SLC25A13: variants seen among roughly 807,000 people sequenced by gnomAD.
SLC25A13 encodes electrogenic aspartate/glutamate antiporter SLC25A13, mitochondrial.
A neutral mutation model predicts 85.5 loss-of-function variants in SLC25A13; 70 were observed. The observed-to-expected ratio is 0.82, with a 90% confidence interval of 0.68 to 1.00. The LOEUF (loss-of-function observed/expected upper bound fraction) is 1.00. Ranked by LOEUF, SLC25A13 falls within the 50% of genes least tolerant of loss-of-function variation. The pLI, the probability that SLC25A13 is intolerant of heterozygous loss-of-function variation, is 0.00. For missense variants in SLC25A13, 765 were observed against 819.8 expected (o/e 0.93, Z 0.82); for synonymous variants, 259 against 288.7 (o/e 0.90, Z 1.04).
chr7:96,185,596 A>T (rs899157065), intron 9 of SLC25A13, among the ~76,000 whole-genome samples: 2 of 151,648 alleles, frequency 1.3e-5, no homozygotes, highest in African/African-American at 2.4e-5. Flanking sequence ...ACTCTATCTC[A>T]AAAATAAAAA....
At chr7:96,154,408 G>T (rs1793171821) in intron 13 of SLC25A13, among the ~76,000 whole-genome samples, 1 of 151,158 alleles carries the variant, frequency 6.6e-6, no homozygotes, top group East Asian at 2.0e-4. Context: ...GCGATTCTCA[G>T]GCCTCAGTCT....
In SLC25A13 at chr7:96,121,097, A is replaced by T; in HGVS notation, c.*94T>A. ...GGACTTGAATTTAAACAAGAGATGG[A>T]CGTAAAAGGGATGAAGCATTGCTTC... On this transcript the variant is annotated 3_prime_UTR_variant, in exon 18 of 18. Transcript: ENST00000265631. 1 of 1,334,054 alleles carries T rather than the reference A, an allele frequency of 7.5e-7. No homozygotes were observed. Among genetic ancestry groups the T allele is most frequent in the South Asian group, 1.2e-5 (1 of 84,322 alleles). The allele number at this position is 1,334,054 out of a possible 1,614,324, so 82.6% of individuals were successfully genotyped here.
intron 4 of SLC25A13, among the ~76,000 whole-genome samples, chr7:96,211,886 A>G (rs1224481836): frequency 6.6e-6 from 1 of 152,220 alleles, no homozygotes; most frequent in Non-Finnish European, 1.5e-5. Context: ...TGAGGGGCTG[A>G]AAAAACTGCA....
At chr7:96,211,217 T>C (rs1368959156) in intron 4 of SLC25A13, among the ~76,000 whole-genome samples, 1 of 152,170 alleles carries the variant, frequency 6.6e-6, no homozygotes, top group Non-Finnish European at 1.5e-5. Flanking sequence ...AGAGCTCACA[T>C]TTGAATCCGA....
intron 1 of SLC25A13, among the ~76,000 whole-genome samples, chr7:96,311,223 TAA>T (rs1182777858): frequency 6.6e-6 from 1 of 152,148 alleles, no homozygotes; most frequent in East Asian, 1.9e-4. Context: ...GGACTTAAGA[TAA>T]CAACATCTGA....
intron 3 of SLC25A13, among the ~76,000 whole-genome samples, chr7:96,247,725 T>C (rs2116856722): frequency 6.6e-6 from 1 of 152,240 alleles, no homozygotes. Context: ...GACATATAAT[T>C]GACAAAAATT....
chr7:96,304,498 T>C (rs1189938761), intron 1 of SLC25A13, among the ~76,000 whole-genome samples: 2 of 152,238 alleles, frequency 1.3e-5, no homozygotes, highest in Non-Finnish European at 2.9e-5. Context: ...TAAGAATGAA[T>C]GGTGGTGTTT....
intron 14 of SLC25A13, among the ~76,000 whole-genome samples, chr7:96,141,452 G>A (rs1319651910): frequency 6.6e-6 from 1 of 152,186 alleles, no homozygotes; most frequent in Non-Finnish European, 1.5e-5. Context: ...TGAGTGTGTT[G>A]AGTGAGTGAA....
At chr7:96,155,043 ACCCACCTTGGCCT>A (rs1177867463) in intron 13 of SLC25A13, among the ~76,000 whole-genome samples, 2 of 151,892 alleles carry the variant, frequency 1.3e-5, no homozygotes, top group African/African-American at 4.8e-5. Flanking sequence ...CAAGTGATCC[ACCCACCTTGGCCT>A]CCCAAAGTGC....
intron 9 of SLC25A13, among the ~76,000 whole-genome samples, chr7:96,188,024 T>G (rs4236528): frequency 2.6e-5 from 4 of 152,188 alleles, no homozygotes; most frequent in Admixed American, 6.5e-5. Context: ...TGCAAAGAGC[T>G]TAAAGGAAAA....
chr7:96,121,855 C>T lies in SLC25A13; in HGVS notation c.1734G>A (p.Leu578=). 6.2e-7 allele frequency: 1 copy of T among 1,614,206 alleles called. No homozygotes were observed. The highest frequency in any genetic ancestry group is 8.5e-7 in the Non-Finnish European group (1 of 1,180,032). ...TTTCCATACCACCAGCTCCCTTCCACAGAGCTTTTGGTCCTTCTTCACGCA... is the reference window on the plus strand; with the variant it reads ...TTTCCATACCACCAGCTCCCTTCCATAGAGCTTTTGGTCCTTCTTCACGCA... ...KILREEGPKA[L]WKGAGARVFR... is the part of the protein sequence containing the mutation. Residue 578 remains leucine, a synonymous_variant, in exon 16 of 18, where the codon CTG becomes CTA. Transcript: ENST00000265631.
intron 2 of SLC25A13, among the ~76,000 whole-genome samples, chr7:96,293,781 C>T (rs901107232): frequency 6.6e-6 from 1 of 152,198 alleles, no homozygotes; most frequent in African/African-American, 2.4e-5. Flanking sequence ...CAGGAAACAA[C>T]AGGAGCTGGA....
At chr7:96,198,303 T>C (rs1795136907) in intron 5 of SLC25A13, among the ~76,000 whole-genome samples, 1 of 152,156 alleles carries the variant, frequency 6.6e-6, no homozygotes, top group African/African-American at 2.4e-5. Flanking sequence ...TAAAAAACAG[T>C]GGCTTTGATT....
chr7:96,306,717 A>T, intron 1 of SLC25A13: 1 of 957,232 alleles, frequency 1.0e-6, no homozygotes, highest in Non-Finnish European at 1.6e-6. Flanking sequence ...AGTCCCATCC[A>T]CTTCCATCTT....
intron 1 of SLC25A13, among the ~76,000 whole-genome samples, chr7:96,311,116 T>C (rs1256008114): frequency 6.6e-6 from 1 of 152,186 alleles, no homozygotes; most frequent in Admixed American, 6.5e-5. Context: ...AGAGTGTGTA[T>C]TTAAATAATG....
intron 3 of SLC25A13, among the ~76,000 whole-genome samples, chr7:96,267,365 A>G (rs978824013): frequency 2.8e-4 from 43 of 152,344 alleles, no homozygotes; most frequent in African/African-American, 1.0e-3. Context: ...AGAATAGCAA[A>G]CATAGGAAAG....
chr7:96,321,534 G>A lies in SLC25A13; in HGVS notation c.15+408C>T, dbSNP rs561943103. ...TCAGCCCGGGCTCTGGCCCCTGGAAGAAGCCGGAGTCAACAACCAGCGGGG... is the reference window on the plus strand; with the variant it reads ...TCAGCCCGGGCTCTGGCCCCTGGAAAAAGCCGGAGTCAACAACCAGCGGGG... On this transcript the variant is annotated intron_variant, in intron 1 of 17. Transcript: ENST00000265631. 6.6e-5 allele frequency among the ~76,000 whole-genome samples: 10 copies of A among 152,336 alleles called. No individual in the cohort carries two copies. In the East Asian group the frequency reaches 1.9e-3, roughly 29 times the overall value.
chr7:96,164,243 A>G (rs1793644341), intron 13 of SLC25A13, among the ~76,000 whole-genome samples: 1 of 152,138 alleles, frequency 6.6e-6, no homozygotes. Context: ...GTCTGACACT[A>G]TAGTGTGAGG....
rs532564495 is a variant in SLC25A13 at position 96,206,401 on chromosome 7, C to T, written c.468+2437G>A. Among the ~76,000 whole-genome samples the T allele has an allele frequency of 8.7e-4, 132 of 152,274 alleles. 3 individuals carry two copies. In the South Asian group the frequency reaches 0.027, roughly 31 times the overall value. ...CCAGAAAGAGCCCAAAGGAAGCAAA[C>T]AAAGCATCTGAAGTAGAGGTCTGAA... On this transcript the variant is annotated intron_variant, in intron 5 of 17. Transcript: ENST00000265631.
Sources: gnomAD v4.1 joint callset for allele counts (sites outside exome capture counted in the v4.1 genomes callset) on GRCh38, gnomAD v4.1.1 for gene constraint, MANE v1.5 for transcripts, NCBI Gene and HGNC (gene_info 2026-07-23, HGNC 2026-07-21) for gene names.